Variants in HYCC2 observed in about 807,000 individuals in gnomAD.
HYCC2 encodes the protein hyccin PI4KA lipid kinase complex subunit 2, also known as hyccin 2.
chr2:201,042,880 C>T, the HYCC2 span, among the ~76,000 whole-genome samples: 2 of 151,712 alleles, frequency 1.3e-5, no homozygotes, highest in African/African-American at 4.8e-5. Flanking sequence ...CCCGGCCGCC[C>T]CGTCTGGGAA....
At chr2:201,009,143 G>GTT in the HYCC2 span, 1 of 1,042,086 alleles carries the variant, frequency 9.6e-7, no homozygotes, top group Non-Finnish European at 1.5e-6. Flanking sequence ...GTAAAAATCT[G>GTT]TATCATGTAA....
chr2:201,009,007 G>T, the HYCC2 span: 2 of 1,613,224 alleles, frequency 1.2e-6, no homozygotes, highest in Admixed American at 1.7e-5. Context: ...CTCTGAGGAT[G>T]AAGATCACTA....
At chr2:200,981,467 T>C in the HYCC2 span, 2 of 1,614,170 alleles carry the variant, frequency 1.2e-6, no homozygotes, top group East Asian at 2.2e-5. The surrounding 1 kb of genome is among the most constrained non-coding windows in gnomAD (Gnocchi z 4.5). Flanking sequence ...ATGCTGGTAC[T>C]TGCTTGACTG....
the HYCC2 span, among the ~76,000 whole-genome samples, chr2:200,995,522 G>C: frequency 3.9e-5 from 6 of 152,208 alleles, no homozygotes; most frequent in Admixed American, 3.9e-4. Flanking sequence ...TCTTGCTGGA[G>C]TCTCACTCCT....
At chr2:201,039,351 T>G in the HYCC2 span, among the ~76,000 whole-genome samples, 86 of 152,342 alleles carry the variant, frequency 5.6e-4, no homozygotes, top group Non-Finnish European at 7.3e-5. Flanking sequence ...GCACTGACAG[T>G]GTTATTTCTG....
chr2:201,071,155 G>A, the HYCC2 span, among the ~76,000 whole-genome samples: 4 of 152,154 alleles, frequency 2.6e-5, no homozygotes, highest in Non-Finnish European at 5.9e-5. Context: ...GAATCTGACC[G>A]CCAGTAAATA....
the HYCC2 span, among the ~76,000 whole-genome samples, chr2:201,015,058 TC>T: frequency 7.9e-3 from 1,202 of 152,274 alleles, 13 homozygotes; most frequent in African/African-American, 0.026. Flanking sequence ...ACTCAACGAC[TC>T]CAAGATACAT....
At chr2:201,053,126 A>ATT in the HYCC2 span, among the ~76,000 whole-genome samples, 1 of 146,690 alleles carries the variant, frequency 6.8e-6, no homozygotes, top group South Asian at 2.1e-4. Flanking sequence ...AAATCTTAAA[A>ATT]TTTTTTTTTT....
At chr2:200,975,991 A>G in the HYCC2 span, 2 of 152,124 alleles carry the variant, frequency 1.3e-5, no homozygotes, top group Non-Finnish European at 2.9e-5. Flanking sequence ...AACTGTACCA[A>G]TCTGATGACT....
At chr2:201,034,690 T>A in the HYCC2 span, among the ~76,000 whole-genome samples, 1 of 152,232 alleles carries the variant, frequency 6.6e-6, no homozygotes, top group South Asian at 2.1e-4. Flanking sequence ...TGATGCAGTT[T>A]CTTCCTAGCC....
chr2:201,043,512 CTTT>C, the HYCC2 span, among the ~76,000 whole-genome samples: 2 of 133,582 alleles, frequency 1.5e-5, no homozygotes, highest in Non-Finnish European at 1.6e-5. Flanking sequence ...TTCTTTTTTT[CTTT>C]TTTTTTTTTT....
the HYCC2 span, among the ~76,000 whole-genome samples, chr2:200,993,364 T>C: frequency 0.011 from 1,720 of 152,282 alleles, 16 homozygotes; most frequent in Non-Finnish European, 0.017. Context: ...GGTGAATTAC[T>C]GGGAAGTATA....
At chr2:201,028,196 G>C in the HYCC2 span, among the ~76,000 whole-genome samples, 1 of 152,268 alleles carries the variant, frequency 6.6e-6, no homozygotes, top group South Asian at 2.1e-4. Flanking sequence ...GCCAAATCAT[G>C]AGTGAACTCC....
At chr2:201,070,833 T>C in the HYCC2 span, among the ~76,000 whole-genome samples, 1 of 152,128 alleles carries the variant, frequency 6.6e-6, no homozygotes, top group Non-Finnish European at 1.5e-5. Flanking sequence ...TTTCTGAAGA[T>C]CTTTAAAAAA....
At chr2:201,068,826 A>G in the HYCC2 span, among the ~76,000 whole-genome samples, 1 of 152,196 alleles carries the variant, frequency 6.6e-6, no homozygotes, top group East Asian at 1.9e-4. Context: ...AATCCACTAC[A>G]TTTTAGTCAG....
chr2:201,043,043 G>A, the HYCC2 span, among the ~76,000 whole-genome samples: 1 of 152,224 alleles, frequency 6.6e-6, no homozygotes, highest in Non-Finnish European at 1.5e-5. Context: ...TGTCTGTGTA[G>A]AAAGAAGTAG....
At chr2:200,985,322 T>C in the HYCC2 span, among the ~76,000 whole-genome samples, 1 of 152,172 alleles carries the variant, frequency 6.6e-6, no homozygotes, top group Non-Finnish European at 1.5e-5. Flanking sequence ...TTTCTATTCA[T>C]GGCTGACTTT....
At chr2:201,033,731 G>A in the HYCC2 span, among the ~76,000 whole-genome samples, 9 of 151,922 alleles carry the variant, frequency 5.9e-5, no homozygotes, top group East Asian at 3.9e-4. Context: ...TATAGAGAGC[G>A]GGTTTTCCTA....
chr2:201,014,229 T>C, the HYCC2 span, among the ~76,000 whole-genome samples: 4 of 152,214 alleles, frequency 2.6e-5, no homozygotes, highest in Non-Finnish European at 5.9e-5. Context: ...AAATGATAGC[T>C]TAATGCTAAG....
Sources: gnomAD v4.1 joint callset for allele counts (sites outside exome capture counted in the v4.1 genomes callset) on GRCh38, gnomAD v4.1.1 for gene constraint, Gnocchi (gnomAD v3.1) non-coding constraint, MANE v1.5 for transcripts, NCBI Gene and HGNC (gene_info 2026-07-23, HGNC 2026-07-21) for gene names.